PRH2: variants seen among roughly 807,000 people sequenced by gnomAD.
PRH2 encodes proline rich protein HaeIII subfamily 2.
Under a neutral mutation model 22.6 loss-of-function variants are expected in PRH2, and 19 were observed. The observed-to-expected ratio is 0.84, with a 90% CI of 0.59 to 1.23. PRH2 has a LOEUF of 1.23. PRH2 is among the 50% of genes most tolerant of loss of function. The probability of loss-of-function intolerance (pLI) is 0.00; values close to 1 mark genes in which losing one functional copy is unlikely to be tolerated. For missense variants in PRH2, 109 were observed against 203.0 expected (o/e 0.54, Z 2.81); for synonymous variants, 45 against 72.0 (o/e 0.63, Z 1.90).
At position 10,929,282 on chromosome 12, in the gene PRH2, G is replaced by A; in HGVS notation, c.9G>A (p.Leu3=). Residue 3 remains leucine, a synonymous_variant, in exon 1 of 4, where the codon CTG becomes CTA. Coordinates refer to ENST00000396400, the MANE Select transcript of PRH2 (RefSeq NM_001110213.1). ML[L]ILLSVALLAF... is the part of the protein sequence containing the mutation. Reference sequence around the variant, plus strand: ...CCAGAGCCTTCTGCAAGATGCTTCTGATTCTGCTGTCAGTGGCCCTGCTGG... The same window carrying A: ...CCAGAGCCTTCTGCAAGATGCTTCTAATTCTGCTGTCAGTGGCCCTGCTGG... 1.7e-5 allele frequency: 28 copies of A among 1,614,196 alleles called. No individual in the cohort carries two copies. The highest frequency in any genetic ancestry group is 2.4e-5 in the Non-Finnish European group (28 of 1,180,044).
In PRH2 at chr12:10,931,015, C is replaced by A; in HGVS notation, c.454C>A (p.Gln152Lys). 1.9e-6 allele frequency: 3 copies of A among 1,593,912 alleles called. No homozygotes were observed. The highest frequency in any genetic ancestry group is 2.6e-6 in the Non-Finnish European group (3 of 1,171,710). ...TGGAAAGCCCCAGGGACCACCTCCC[C>A]AAGGGGGCCGCCCACAAGGACCTCC... ...PPGKPQGPPP[Q>K]GGRPQGPPQG... Residue 152 changes from glutamine (Q) to lysine (K), a missense_variant, in exon 3 of 4, where the codon CAA becomes AAA. This residue lies in a region of PRH2 where 41 missense variants were observed against 93.6 expected (regional missense o/e 0.44). Coordinates refer to ENST00000396400, the MANE Select transcript of PRH2 (RefSeq NM_001110213.1).
intron 1 of PRH2, 130 bp from the exon 2 acceptor site, chr12:10,930,137 CAG>C (rs761939341): frequency 6.9e-5 from 74 of 1,074,406 alleles, no homozygotes; most frequent in Non-Finnish European, 9.4e-5. Flanking sequence ...CCGGTAGCAT[CAG>C]AGAGTGGCTG....
rs760079231 is a variant in PRH2 at position 10,932,874 on chromosome 12, T to C, written c.*667T>C. ...CAATAGTCAGAAAACATTTTAGAAATTGATGACTTTATAATGCAACCAGGA... is the reference window on the plus strand; with the variant it reads ...CAATAGTCAGAAAACATTTTAGAAACTGATGACTTTATAATGCAACCAGGA... On this transcript the variant is annotated 3_prime_UTR_variant, in exon 4 of 4. Transcript: ENST00000396400. Among the ~76,000 whole-genome samples the C allele has an allele frequency of 1.1e-4, 17 of 151,912 alleles. No homozygotes were observed. The highest frequency in any genetic ancestry group is 1.3e-4 in the Admixed American group (2 of 15,254).
In PRH2 at chr12:10,934,092, G is replaced by A. The variant is rs145101559; in HGVS notation, c.*1885G>A. Among the ~76,000 whole-genome samples the A allele has an allele frequency of 6.6e-6, 1 of 152,136 alleles. No individual in the cohort carries two copies. The highest frequency in any genetic ancestry group is 1.5e-5 in the Non-Finnish European group (1 of 67,988). ...CAGCTAGTAAATATAATAAGAAAAT[G>A]ATTATTCACAAAGGAACCAAAAGGC... On this transcript the variant is annotated 3_prime_UTR_variant, in exon 4 of 4. Coordinates refer to ENST00000396400, the MANE Select transcript of PRH2 (RefSeq NM_001110213.1).
intron 2 of PRH2, 96 bp from the exon 3 acceptor site, chr12:10,930,566 G>C: frequency 6.4e-7 from 1 of 1,568,734 alleles, no homozygotes; most frequent in Non-Finnish European, 8.6e-7. Context: ...GGCAGGTCAG[G>C]GAGAGAGGGG....
Position 10,932,264 on chromosome 12 carries a change from A to G in PRH2, c.*57A>G, listed in dbSNP as rs1346531209. ...AGATGACAGTGTTTCAAATGCCTTG[A>G]AACATAATGTGATCATGCTCTAACT... On this transcript the variant is annotated 3_prime_UTR_variant, in exon 4 of 4. Transcript: ENST00000396400. 2 of 426,270 alleles carry G rather than the reference A, an allele frequency of 4.7e-6. No individual in the cohort carries two copies. The highest frequency in any genetic ancestry group is 9.8e-6 in the Non-Finnish European group (2 of 204,230). The allele number at this position is 426,270 out of a possible 1,614,324, so 26.4% of individuals were successfully genotyped here.
In PRH2 at chr12:10,934,436, A is replaced by G. The variant is rs1029171381; in HGVS notation, c.*2229A>G. ...TTCCGTTCACCAGTGTTATGAATCC[A>G]TTCCCCAAAATTCCAATTAGGAATT... On this transcript the variant is annotated 3_prime_UTR_variant, in exon 4 of 4. Coordinates refer to ENST00000396400, the MANE Select transcript of PRH2 (RefSeq NM_001110213.1). Among the ~76,000 whole-genome samples the G allele has an allele frequency of 6.6e-6, 1 of 152,140 alleles. No individual in the cohort carries two copies. The highest frequency in any genetic ancestry group is 1.5e-5 in the Non-Finnish European group (1 of 67,988).
rs1418423082 is a variant in PRH2, at chr12:10,931,017, A to C, written c.456A>C (p.Gln152His). ...PPGKPQGPPP[Q>H]GGRPQGPPQG... The stretch of plus-strand genomic sequence containing the variant: ...GAAAGCCCCAGGGACCACCTCCCCA[A>C]GGGGGCCGCCCACAAGGACCTCCAC... The change falls in exon 3 of 4, where the codon CAA becomes CAC. Residue 152 changes from glutamine (Q) to histidine (H), a missense_variant. By Grantham distance (24) the Gln-to-His change is conservative. This residue lies in a region of PRH2 where 41 missense variants were observed against 93.6 expected (regional missense o/e 0.44). Transcript: ENST00000396400. 3.8e-6 allele frequency: 6 copies of C among 1,593,898 alleles called. No individual in the cohort carries two copies. Among genetic ancestry groups the C allele is most frequent in the Non-Finnish European group, 5.1e-6 (6 of 1,171,716 alleles).
At chr12:10,930,223 T>A in intron 1 of PRH2, 46 bp from the exon 2 acceptor site, 4 of 1,594,338 alleles carry the variant, frequency 2.5e-6, no homozygotes, top group Non-Finnish European at 3.4e-6. Flanking sequence ...GAGCTCTGAA[T>A]GATTCATGCA....
At chr12:10,931,782 A>C (rs1419290988) in intron 3 of PRH2, among the ~76,000 whole-genome samples, 1 of 151,672 alleles carries the variant, frequency 6.6e-6, no homozygotes, top group African/African-American at 2.4e-5. Context: ...TAGCTTTCAC[A>C]TGAGTTTATT....
chr12:10,931,146 A>C (rs1950205866), intron 3 of PRH2, 66 bp downstream of exon 3: 5 of 1,588,276 alleles, frequency 3.1e-6, no homozygotes, highest in Non-Finnish European at 4.3e-6. Context: ...TCATTGTGCC[A>C]GTGAATCTAT....
intron 2 of PRH2, 61 bp downstream of exon 2, chr12:10,930,365 T>C (rs1006590301): frequency 5.1e-6 from 8 of 1,566,892 alleles, no homozygotes; most frequent in African/African-American, 1.4e-5. Context: ...AATTGATCAG[T>C]TCTCCAGTGT....
chr12:10,932,481 T>C lies in PRH2; in HGVS notation c.*274T>C, dbSNP rs1406981384. The C allele has an allele frequency of 5.5e-6, 1 of 181,020 alleles. No individual in the cohort carries two copies. The highest frequency in any genetic ancestry group is 2.3e-5 in the African/African-American group (1 of 43,382). 11.2% of individuals were successfully genotyped at this position (181,020 alleles called of 1,614,324 possible). A position where few individuals can be genotyped will look rare whatever the true frequency, so the allele number is the denominator to read the frequency against. On this transcript the variant is annotated 3_prime_UTR_variant, in exon 4 of 4. Transcript: ENST00000396400. ...CATCTGCCTGGGGAAGGAGTTCCAC[T>C]GTTTCTTTCCTTCTCTGTCTTCTTA...
chr12:10,932,151 C>A (rs535810399), intron 3 of PRH2, 75 bp from the exon 4 acceptor site: 6 of 384,298 alleles, frequency 1.6e-5, no homozygotes, highest in African/African-American at 1.2e-4. Context: ...TCTTCCTCAC[C>A]GCAGTAAACC....
At position 10,930,999 on chromosome 12, in the gene PRH2, C is replaced by T. The variant is rs1950202052; in HGVS notation, c.438C>T (p.Pro146=). ...QGPPPPPPGK[P]QGPPPQGGRP... ...CTCCCCCACCTCCTCCTGGAAAGCCCCAGGGACCACCTCCCCAAGGGGGCC... is the reference window on the plus strand; with the variant it reads ...CTCCCCCACCTCCTCCTGGAAAGCCTCAGGGACCACCTCCCCAAGGGGGCC... The change falls in exon 3 of 4, where the codon CCC becomes CCT. Residue 146 remains proline, a synonymous_variant. Transcript: ENST00000396400. 1 of 1,595,028 alleles carries T rather than the reference C, an allele frequency of 6.3e-7. No individual in the cohort carries two copies. The highest frequency in any genetic ancestry group is 1.3e-5 in the African/African-American group (1 of 74,324).
chr12:10,933,783 T>C lies in PRH2; in HGVS notation c.*1576T>C, dbSNP rs1423174787. The stretch of plus-strand genomic sequence containing the variant: ...TGCAACACCCTGAAAAATTATCTAA[T>C]AAAAAGGCACAAAGAAAAAGCTTGT... On this transcript the variant is annotated 3_prime_UTR_variant, in exon 4 of 4. Coordinates refer to ENST00000396400, the MANE Select transcript of PRH2 (RefSeq NM_001110213.1). Among the ~76,000 whole-genome samples the C allele has an allele frequency of 6.6e-6, 1 of 152,056 alleles. No individual in the cohort carries two copies. Among genetic ancestry groups the C allele is most frequent in the Non-Finnish European group, 1.5e-5 (1 of 67,948 alleles).
At chr12:10,929,414 G>A (rs1950170323) in intron 1 of PRH2, 77 bp downstream of exon 1, 1 of 1,567,260 alleles carries the variant, frequency 6.4e-7, no homozygotes, top group Non-Finnish European at 8.8e-7. Flanking sequence ...GAAAGTGGAG[G>A]GAAGAGAGGA....
In PRH2 at chr12:10,930,240, T is replaced by C. The variant is rs1950184191; in HGVS notation, c.65-29T>C. The stretch of plus-strand genomic sequence containing the variant: ...GCTCTGAATGATTCATGCAGTAACT[T>C]TTCCCATCATCCTGTACTTCTTTTC... On this transcript the variant is annotated intron_variant, in intron 1 of 3. Coordinates refer to ENST00000396400, the MANE Select transcript of PRH2 (RefSeq NM_001110213.1). The C allele has an allele frequency of 1.9e-6, 3 of 1,610,628 alleles. No individual in the cohort carries two copies. The South Asian group carries it at 3.3e-5, about 18-fold the overall frequency.
chr12:10,933,110 C>T lies in PRH2; in HGVS notation c.*903C>T, dbSNP rs142230733. 6.6e-6 allele frequency among the ~76,000 whole-genome samples: 1 copy of T among 152,046 alleles called. No individual in the cohort carries two copies. Among genetic ancestry groups the T allele is most frequent in the East Asian group, 1.9e-4 (1 of 5,164 alleles). On this transcript the variant is annotated 3_prime_UTR_variant, in exon 4 of 4. Coordinates refer to ENST00000396400, the MANE Select transcript of PRH2 (RefSeq NM_001110213.1). ...GAAAATTCTGGAAGAATAAGGGAAA[C>T]AGATAATCTTCAGAGTAATCAGGTA...
Sources: gnomAD v4.1 joint callset for allele counts (sites outside exome capture counted in the v4.1 genomes callset) on GRCh38, gnomAD v4.1.1 for gene constraint, gnomAD v4.1.1 regional missense constraint, MANE v1.5 for transcripts, NCBI Gene and HGNC (gene_info 2026-07-23, HGNC 2026-07-21) for gene names.